The following LIN52 variants were observed in gnomAD, a reference collection of about 807,000 sequenced individuals.
LIN52 encodes protein lin-52 homolog.
Under a neutral mutation model 18.5 loss-of-function variants are expected in LIN52, and 4 were observed. The observed-to-expected ratio is 0.22, with a 90% CI of 0.11 to 0.49. The LOEUF (loss-of-function observed/expected upper bound fraction) is 0.49. LIN52 is among the 20% of genes least tolerant of loss of function. The pLI is 0.97. For missense variants in LIN52, 102 were observed against 139.5 expected, an observed-to-expected ratio of 0.73 and a Z score of 1.35; for synonymous variants, 34 against 45.5, an observed-to-expected ratio of 0.75 and a Z score of 1.02.
intron 5 of LIN52, among the ~76,000 whole-genome samples, chr14:74,123,174 T>C (rs182472391): frequency 2.5e-3 from 378 of 152,294 alleles, no homozygotes; most frequent in East Asian, 6.4e-3. Flanking sequence ...TTTGCTAACA[T>C]GGTAGAAGGT....
intron 5 of LIN52, among the ~76,000 whole-genome samples, chr14:74,117,484 C>G (rs540867863): frequency 1.3e-5 from 2 of 148,466 alleles, no homozygotes; most frequent in African/African-American, 5.1e-5. Context: ...TTTTTTTTGG[C>G]GGGGGGGCTT....
intron 5 of LIN52, among the ~76,000 whole-genome samples, chr14:74,120,075 A>T (rs1595162647): frequency 6.6e-6 from 1 of 151,846 alleles, no homozygotes; most frequent in Non-Finnish European, 1.5e-5. Context: ...ACCTCGGGTG[A>T]TCCGCCTGCC....
At chr14:74,198,861 C>G in intron 5 of LIN52, 61 bp from the exon 6 acceptor site, 1 of 1,205,146 alleles carries the variant, frequency 8.3e-7, no homozygotes, top group Non-Finnish European at 1.2e-6. Flanking sequence ...TTAAATCTTC[C>G]TATGATTCTT....
chr14:74,168,525 A>G (rs1164911299), intron 5 of LIN52, among the ~76,000 whole-genome samples: 1 of 151,716 alleles, frequency 6.6e-6, no homozygotes, highest in Non-Finnish European at 1.5e-5. Context: ...AAAATTAGCC[A>G]GGCGTGGTGG....
intron 4 of LIN52, among the ~76,000 whole-genome samples, chr14:74,099,315 T>C (rs1046112701): frequency 3.5e-4 from 53 of 152,188 alleles, no homozygotes; most frequent in African/African-American, 1.2e-3. Flanking sequence ...TAGAAGTAAT[T>C]CATTGTTCTT....
At chr14:74,167,107 T>C (rs2139571264) in intron 5 of LIN52, among the ~76,000 whole-genome samples, 1 of 106,550 alleles carries the variant, frequency 9.4e-6, no homozygotes, top group East Asian at 3.0e-4. Context: ...CACTGGCCTC[T>C]GCTGCTTTTT....
intron 5 of LIN52, among the ~76,000 whole-genome samples, chr14:74,189,249 T>C (rs17098084): frequency 0.012 from 1,887 of 152,348 alleles, 37 homozygotes; most frequent in African/African-American, 0.042. Flanking sequence ...TACTAGCCTT[T>C]GGTCATAATA....
At chr14:74,109,715 A>G (rs897662728) in intron 5 of LIN52, among the ~76,000 whole-genome samples, 14 of 152,346 alleles carry the variant, frequency 9.2e-5, no homozygotes, top group African/African-American at 3.4e-4. Flanking sequence ...TGATGCTATT[A>G]TAAATGGAAT....
At chr14:74,155,561 C>T (rs1222690642) in intron 5 of LIN52, among the ~76,000 whole-genome samples, 1 of 152,164 alleles carries the variant, frequency 6.6e-6, no homozygotes, top group Non-Finnish European at 1.5e-5. Context: ...CTTCATTCTC[C>T]CCTCCCCTTT....
intron 5 of LIN52, among the ~76,000 whole-genome samples, chr14:74,136,727 T>C (rs2061100027): frequency 6.6e-6 from 1 of 152,206 alleles, no homozygotes; most frequent in Admixed American, 6.5e-5. Context: ...GATAACTTTG[T>C]ATTAAAGGTT....
At chr14:74,136,583 G>A (rs1300939681) in intron 5 of LIN52, among the ~76,000 whole-genome samples, 1 of 151,986 alleles carries the variant, frequency 6.6e-6, no homozygotes, top group East Asian at 1.9e-4. Context: ...TAAAAACAAG[G>A]GTTTAATTAG....
intron 5 of LIN52, among the ~76,000 whole-genome samples, chr14:74,197,802 A>G (rs1419636267): frequency 6.6e-6 from 1 of 152,216 alleles, no homozygotes; most frequent in Non-Finnish European, 1.5e-5. Flanking sequence ...GTACAAGAAA[A>G]CAAGAAACTG....
intron 5 of LIN52, among the ~76,000 whole-genome samples, chr14:74,195,803 A>G (rs1468535175): frequency 6.6e-6 from 1 of 152,218 alleles, no homozygotes; most frequent in African/African-American, 2.4e-5. Context: ...TTACTGTAGC[A>G]GGTCGGTAAG....
intron 5 of LIN52, among the ~76,000 whole-genome samples, chr14:74,135,261 C>A (rs1464135282): frequency 6.6e-6 from 1 of 152,110 alleles, no homozygotes; most frequent in African/African-American, 2.4e-5. Flanking sequence ...GACGGGGTTT[C>A]ACCATGTTGG....
At chr14:74,096,435 C>T (rs757417563) in intron 3 of LIN52, among the ~76,000 whole-genome samples, 1 of 151,900 alleles carries the variant, frequency 6.6e-6, no homozygotes, top group African/African-American at 2.4e-5. Flanking sequence ...TCAAGTGATC[C>T]TCCTGCTCCA....
In LIN52 at chr14:74,111,857, C is replaced by G. The variant is rs183109957; in HGVS notation, c.283+10619C>G. On this transcript the variant is annotated intron_variant, in intron 5 of 5. Coordinates refer to ENST00000555028, the MANE Select transcript of LIN52 (RefSeq NM_001024674.3). Reference sequence around the variant, plus strand: ...ACTGGATTTTTGATCTATGTAAAAACTTGTTGTGATTTTTTTTCTTTTTTT... The same window carrying G: ...ACTGGATTTTTGATCTATGTAAAAAGTTGTTGTGATTTTTTTTCTTTTTTT... Among the ~76,000 whole-genome samples the G allele has an allele frequency of 2.0e-5, 3 of 151,116 alleles. No homozygotes were observed. In the East Asian group the frequency reaches 5.8e-4, roughly 29 times the overall value.
intron 5 of LIN52, among the ~76,000 whole-genome samples, chr14:74,171,184 C>T (rs1442723424): frequency 1.3e-5 from 2 of 151,780 alleles, no homozygotes; most frequent in Non-Finnish European, 2.9e-5. Flanking sequence ...AGGAGACCAG[C>T]CTGGACAACA....
intron 5 of LIN52, among the ~76,000 whole-genome samples, chr14:74,118,388 T>C (rs2060976835): frequency 6.6e-6 from 1 of 152,224 alleles, no homozygotes; most frequent in Admixed American, 6.5e-5. Flanking sequence ...GTATAATGTA[T>C]ATAAAGAAAA....
chr14:74,123,287 C>G (rs187999497), intron 5 of LIN52, among the ~76,000 whole-genome samples: 1 of 152,260 alleles, frequency 6.6e-6, no homozygotes, highest in East Asian at 1.9e-4. Flanking sequence ...AGAAATATTA[C>G]TGGAGCATAA....
Sources: gnomAD v4.1 joint callset for allele counts (sites outside exome capture counted in the v4.1 genomes callset) on GRCh38, gnomAD v4.1.1 for gene constraint, MANE v1.5 for transcripts, NCBI Gene and HGNC (gene_info 2026-07-23, HGNC 2026-07-21) for gene names.